UBE2H: variants seen among roughly 807,000 people sequenced by gnomAD.
UBE2H encodes ubiquitin conjugating enzyme E2 H.
UBE2H carries 3 observed loss-of-function variants against 29.0 expected under a neutral mutation model. That is an observed-to-expected ratio of 0.10 (90% CI 0.05 to 0.27). The LOEUF is 0.27. Among genes scored for constraint, UBE2H ranks in the 10% least tolerant of loss-of-function variants. The probability of loss-of-function intolerance (pLI) is 1.00; values close to 1 mark genes in which losing one functional copy is unlikely to be tolerated. For synonymous variants in UBE2H, 69 were observed against 82.9 expected (o/e 0.83, Z 0.91); for missense variants, 68 against 228.2 (o/e 0.30, Z 4.52).
chr7:129,914,254 G>A (rs142903315), intron 1 of UBE2H, among the ~76,000 whole-genome samples: 9,459 of 151,540 alleles, frequency 0.062, 365 homozygotes, highest in Non-Finnish European at 0.091. Flanking sequence ...TGCAACCTCC[G>A]CCTCCCAGGT....
chr7:129,870,844 C>T (rs1806015990), intron 3 of UBE2H, among the ~76,000 whole-genome samples: 1 of 151,716 alleles, frequency 6.6e-6, no homozygotes. Context: ...TCAACCCTGC[C>T]TGCCACTTGG....
At chr7:129,909,128 T>C (rs577268299) in intron 1 of UBE2H, among the ~76,000 whole-genome samples, 9 of 152,286 alleles carry the variant, frequency 5.9e-5, no homozygotes, top group Admixed American at 2.0e-4. Flanking sequence ...TTGAACCTCA[T>C]TGCAACTGGA....
At chr7:129,888,425 G>A (rs1368677904) in intron 1 of UBE2H, among the ~76,000 whole-genome samples, 2 of 152,088 alleles carry the variant, frequency 1.3e-5, no homozygotes, top group South Asian at 4.1e-4. Flanking sequence ...GCTGAGGTGG[G>A]AGGATTGTTT....
At chr7:129,950,683 G>T (rs974702773) in intron 1 of UBE2H, among the ~76,000 whole-genome samples, 1 of 152,196 alleles carries the variant, frequency 6.6e-6, no homozygotes, top group Non-Finnish European at 1.5e-5. Context: ...CGCATTAGGT[G>T]TGACAGTAAC....
At position 129,834,899 on chromosome 7, in the gene UBE2H, G is replaced by C; in HGVS notation, c.*38C>G. 6.2e-7 allele frequency: 1 copy of C among 1,610,206 alleles called. No individual in the cohort carries two copies. Among genetic ancestry groups the C allele is most frequent in the Non-Finnish European group, 8.5e-7 (1 of 1,179,196 alleles). On this transcript the variant is annotated 3_prime_UTR_variant, in exon 7 of 7. Transcript: ENST00000355621. ...ATTATAGTCTGCTTCTCATGGTTAG[G>C]AAATAATAGTCTTTCTGAAAAGCAG...
intron 5 of UBE2H, among the ~76,000 whole-genome samples, chr7:129,853,756 G>A (rs998064543): frequency 9.2e-5 from 14 of 152,140 alleles, no homozygotes; most frequent in African/African-American, 3.4e-4. Flanking sequence ...AGGGTGTGAG[G>A]GGACAGAGGA....
In UBE2H at chr7:129,835,081, GACA is replaced by G. The variant is rs374650601; in HGVS notation, c.428-23_428-21del. On this transcript the variant is annotated intron_variant, in intron 6 of 6. Coordinates refer to ENST00000355621, the MANE Select transcript of UBE2H (RefSeq NM_003344.4). ...TGTACTCTGCACGGGGTGGGAGAAA[GACA>G]ACAAGGGCAGTGAGTGGGCAGGCAT... 2.9e-4 allele frequency: 465 copies of G among 1,613,894 alleles called. 2 individuals are homozygous for G. The South Asian group carries it at 4.6e-3, about 16-fold the overall frequency.
chr7:129,904,520 T>C (rs1355015703), intron 1 of UBE2H, among the ~76,000 whole-genome samples: 3 of 152,330 alleles, frequency 2.0e-5, no homozygotes, highest in Admixed American at 2.0e-4. Context: ...CATTCTATTG[T>C]CTATTTCCTT....
chr7:129,892,102 G>A (rs1055352532), intron 1 of UBE2H, among the ~76,000 whole-genome samples: 2 of 151,738 alleles, frequency 1.3e-5, no homozygotes, highest in Admixed American at 1.3e-4. Flanking sequence ...ACAGGCGCCC[G>A]CCACCAGGCC....
intron 1 of UBE2H, among the ~76,000 whole-genome samples, chr7:129,948,376 C>A: frequency 6.6e-6 from 1 of 152,192 alleles, no homozygotes; most frequent in South Asian, 2.1e-4. Context: ...AAGCAGACAC[C>A]AACGATTCTG....
At chr7:129,900,272 G>A (rs1001481116) in intron 1 of UBE2H, among the ~76,000 whole-genome samples, 1 of 152,144 alleles carries the variant, frequency 6.6e-6, no homozygotes, top group African/African-American at 2.4e-5. Flanking sequence ...GCAAAATAAT[G>A]TGTTCTCACA....
At chr7:129,922,305 A>G (rs1444617422) in intron 1 of UBE2H, among the ~76,000 whole-genome samples, 1 of 127,134 alleles carries the variant, frequency 7.9e-6, no homozygotes, top group Non-Finnish European at 1.7e-5. Context: ...TTTTATTTTG[A>G]GATGGAGTCT....
chr7:129,854,067 T>TTTTTTTTTTTATTTATTTTTA (rs1554430948), intron 5 of UBE2H, among the ~76,000 whole-genome samples: 3 of 148,784 alleles, frequency 2.0e-5, no homozygotes, highest in Admixed American at 2.0e-4. Context: ...TTAGTTTTTT[T>TTTTTTTTTTTATTTATTTTTA]TTTTTTTTTT....
intron 1 of UBE2H, among the ~76,000 whole-genome samples, chr7:129,893,705 A>G (rs1345454216): frequency 6.6e-6 from 1 of 152,248 alleles, no homozygotes; most frequent in African/African-American, 2.4e-5. Flanking sequence ...TCCTTAATAA[A>G]CAAACTTGAC....
At chr7:129,889,379 A>G (rs1167685352) in intron 1 of UBE2H, among the ~76,000 whole-genome samples, 1 of 152,256 alleles carries the variant, frequency 6.6e-6, no homozygotes, top group African/African-American at 2.4e-5. Flanking sequence ...TGGCAGAGCC[A>G]GTAGAAAGCT....
At chr7:129,881,406 A>G (rs2708641) in intron 1 of UBE2H, among the ~76,000 whole-genome samples, 146,556 of 152,338 alleles carry the variant, frequency 0.96, 70,663 homozygotes, top group East Asian at 1. Flanking sequence ...CAACAGTTTG[A>G]GAGGCCTAGG....
intron 3 of UBE2H, among the ~76,000 whole-genome samples, chr7:129,860,753 C>A (rs1303013746): frequency 6.6e-6 from 1 of 151,378 alleles, no homozygotes; most frequent in Non-Finnish European, 1.5e-5. Flanking sequence ...TATTTACAGG[C>A]TGAGGTTATT....
intron 3 of UBE2H, among the ~76,000 whole-genome samples, chr7:129,871,392 C>A (rs1343034597): frequency 1.3e-5 from 2 of 152,168 alleles, no homozygotes; most frequent in East Asian, 1.9e-4. Flanking sequence ...CTTACTAGAA[C>A]CTTGTTTCTC....
chr7:129,931,832 TTTGC>T (rs902438671), intron 1 of UBE2H, among the ~76,000 whole-genome samples: 2 of 149,802 alleles, frequency 1.3e-5, no homozygotes, highest in African/African-American at 4.9e-5. Context: ...ACTGTTCTAC[TTTGC>T]TTTTTTTTTT....
Sources: gnomAD v4.1 joint callset for allele counts (sites outside exome capture counted in the v4.1 genomes callset) on GRCh38, gnomAD v4.1.1 for gene constraint, MANE v1.5 for transcripts, NCBI Gene and HGNC (gene_info 2026-07-23, HGNC 2026-07-21) for gene names.